The following ZBTB20 variants were observed in gnomAD, a reference collection of about 807,000 sequenced individuals.
The protein encoded by ZBTB20 is zinc finger and BTB domain-containing protein 20.
Under a neutral mutation model 56.9 loss-of-function variants are expected in ZBTB20, and 9 were observed. The ratio of observed to expected loss-of-function variants is 0.16; its 90% confidence interval spans 0.10 to 0.28. The LOEUF (loss-of-function observed/expected upper bound fraction) is 0.28. Ranked by LOEUF, ZBTB20 falls within the 10% of genes least tolerant of loss-of-function variation. The probability of loss-of-function intolerance (pLI) is 1.00; values close to 1 mark genes in which losing one functional copy is unlikely to be tolerated. For synonymous variants in ZBTB20, 417 were observed against 420.7 expected (o/e 0.99, Z 0.11); for missense variants, 655 against 1,003.0 (o/e 0.65, Z 4.69).
chr3:114,520,150 A>T (rs2046463815), intron 6 of ZBTB20: 1 of 152,126 alleles, frequency 6.6e-6, no homozygotes, highest in Non-Finnish European at 1.5e-5. Flanking sequence ...AAAAGAAAAA[A>T]AGAATAAAGA....
intron 6 of ZBTB20, among the ~76,000 whole-genome samples, chr3:114,534,953 A>C (rs998609380): frequency 6.6e-5 from 10 of 152,256 alleles, no homozygotes; most frequent in Non-Finnish European, 1.5e-5. Flanking sequence ...GAGAACAAAG[A>C]CATAATGTAC....
chr3:114,670,315 T>G (rs2061294296), intron 6 of ZBTB20, among the ~76,000 whole-genome samples: 1 of 152,074 alleles, frequency 6.6e-6, no homozygotes, highest in African/African-American at 2.4e-5. Context: ...AGGAAGATAC[T>G]AGGGAATCAT....
chr3:114,648,516 C>G (rs565866318), intron 6 of ZBTB20, among the ~76,000 whole-genome samples: 1 of 151,818 alleles, frequency 6.6e-6, no homozygotes, highest in Non-Finnish European at 1.5e-5. Context: ...AAGTGTCATT[C>G]ATAAAAGTGT....
intron 5 of ZBTB20, among the ~76,000 whole-genome samples, chr3:114,746,090 A>G (rs572185345): frequency 6.6e-6 from 1 of 152,168 alleles, no homozygotes; most frequent in African/African-American, 2.4e-5. Flanking sequence ...GGTTTACTCA[A>G]TTCTAGAAAC....
At chr3:115,059,174 AT>A (rs1374657990) in intron 2 of ZBTB20, among the ~76,000 whole-genome samples, 1 of 151,912 alleles carries the variant, frequency 6.6e-6, no homozygotes, top group Non-Finnish European at 1.5e-5. Flanking sequence ...TTCATTGGTA[AT>A]TTTTTTCCCA....
chr3:114,955,862 C>A (rs573126143), intron 3 of ZBTB20, among the ~76,000 whole-genome samples: 1 of 151,854 alleles, frequency 6.6e-6, no homozygotes, highest in East Asian at 1.9e-4. Context: ...ATAGATAGAG[C>A]AATATAAGTG....
At chr3:114,826,906 C>A (rs1449867317) in intron 4 of ZBTB20, among the ~76,000 whole-genome samples, 1 of 151,502 alleles carries the variant, frequency 6.6e-6, no homozygotes, top group African/African-American at 2.4e-5. Context: ...CCTTAATAAG[C>A]AGGTTCTTGT....
chr3:115,057,345 T>C (rs1171012232), intron 2 of ZBTB20, among the ~76,000 whole-genome samples: 2 of 152,078 alleles, frequency 1.3e-5, no homozygotes, highest in South Asian at 2.1e-4. Flanking sequence ...CTTACTGTTA[T>C]ATCTCTTTAT....
intron 2 of ZBTB20, among the ~76,000 whole-genome samples, chr3:115,050,343 GTC>G (rs1388448998): frequency 2.0e-5 from 3 of 151,616 alleles, no homozygotes; most frequent in Non-Finnish European, 4.4e-5. Flanking sequence ...GTAAATATTT[GTC>G]TCTCATATCT....
intron 10 of ZBTB20, among the ~76,000 whole-genome samples, chr3:114,354,231 CTA>C (rs1199488425): frequency 1.3e-5 from 2 of 152,192 alleles, no homozygotes; most frequent in African/African-American, 4.8e-5. Flanking sequence ...TACAATTTTA[CTA>C]TAACCAAGGT....
chr3:114,829,321 A>G (rs2073715863), intron 4 of ZBTB20, among the ~76,000 whole-genome samples: 1 of 151,870 alleles, frequency 6.6e-6, no homozygotes, highest in Non-Finnish European at 1.5e-5. Flanking sequence ...TTAGTCTCAG[A>G]TTTAATTAAT....
rs1181511150 is a variant in ZBTB20 at position 114,350,490 on chromosome 3, G to T, written c.1588C>A (p.Gln530Lys). ...TGGGTCTGCTGGCCTGCCAGGGGCT[G>T]TGGCAGGCTGAAGAGGAAAGGCTTG... ...GPKPFLFSLP[Q>K]PLAGQQTQFV... The change falls in exon 11 of 12, where the codon CAG becomes AAG. Residue 530 changes from glutamine (Q) to lysine (K), a missense_variant. Physicochemically the swap from Gln to Lys is moderately conservative, Grantham distance 53. Around this residue, in one of 10 missense-constraint regions of ZBTB20, gnomAD observed 71 missense variants for 89.4 expected, o/e 0.79. Transcript: ENST00000675478. 1 of 1,614,164 alleles carries T rather than the reference G, an allele frequency of 6.2e-7. No individual in the cohort carries two copies. The highest frequency in any genetic ancestry group is 8.5e-7 in the Non-Finnish European group (1 of 1,180,028).
At chr3:114,620,283 T>C (rs2058228967) in intron 6 of ZBTB20, among the ~76,000 whole-genome samples, 1 of 152,058 alleles carries the variant, frequency 6.6e-6, no homozygotes, top group Non-Finnish European at 1.5e-5. Context: ...CATGGACATG[T>C]TTTTTTCTTT....
At chr3:114,999,061 G>GAGAGGAGAGC (rs1560477596) in intron 2 of ZBTB20, among the ~76,000 whole-genome samples, 3 of 147,168 alleles carry the variant, frequency 2.0e-5, no homozygotes, top group Non-Finnish European at 3.0e-5. Flanking sequence ...GAAAGGAGAG[G>GAGAGGAGAGC]AGAGGAGAGC....
chr3:114,887,575 C>T (rs919997999), intron 4 of ZBTB20, among the ~76,000 whole-genome samples: 10 of 152,116 alleles, frequency 6.6e-5, no homozygotes, highest in Non-Finnish European at 1.5e-4. Context: ...CAGAGTTTGA[C>T]GTCATAGTGC....
chr3:114,837,803 A>T (rs1266893690), intron 4 of ZBTB20, among the ~76,000 whole-genome samples: 2 of 152,106 alleles, frequency 1.3e-5, no homozygotes, highest in Non-Finnish European at 2.9e-5. Flanking sequence ...GTGAAAATAG[A>T]GGATGTGGAG....
intron 5 of ZBTB20, among the ~76,000 whole-genome samples, chr3:114,782,167 C>G (rs2070152934): frequency 6.6e-6 from 1 of 152,202 alleles, no homozygotes; most frequent in Non-Finnish European, 1.5e-5. Flanking sequence ...TTATACATGT[C>G]TCAAAGCCTT....
intron 6 of ZBTB20, among the ~76,000 whole-genome samples, chr3:114,615,144 A>C (rs1223715992): frequency 1.3e-5 from 2 of 152,222 alleles, no homozygotes; most frequent in Non-Finnish European, 2.9e-5. Context: ...ACTAAGGAGA[A>C]ACATACTTAA....
intron 2 of ZBTB20, among the ~76,000 whole-genome samples, chr3:115,005,849 G>T (rs564406502): frequency 1.3e-4 from 19 of 151,796 alleles, no homozygotes; most frequent in African/African-American, 4.1e-4. Context: ...ATGGGACTGT[G>T]TCATACTTCC....
Sources: gnomAD v4.1 joint callset for allele counts (sites outside exome capture counted in the v4.1 genomes callset) on GRCh38, gnomAD v4.1.1 for gene constraint, gnomAD v4.1.1 regional missense constraint, MANE v1.5 for transcripts, NCBI Gene and HGNC (gene_info 2026-07-23, HGNC 2026-07-21) for gene names.